ALMS1: variants seen among roughly 807,000 people sequenced by gnomAD.
ALMS1 encodes the protein centrosome-associated protein ALMS1.
In ALMS1, 271 loss-of-function variants were observed where a neutral mutation model predicts 352.2. That is an observed-to-expected ratio of 0.77 (90% CI 0.70 to 0.85). The LOEUF (loss-of-function observed/expected upper bound fraction) is 0.85, where lower values mean the gene tolerates loss of function less well. ALMS1 is among the 40% of genes least tolerant of loss of function. ALMS1 has a pLI of 0.00. For missense variants in ALMS1, 5,445 were observed against 4,870.7 expected (o/e 1.12, Z -3.51); for synonymous variants, 1,865 against 1,761.2 (o/e 1.06, Z -1.48).
At chr2:73,607,083 T>A (rs1036402781) in intron 21 of ALMS1, among the ~76,000 whole-genome samples, 1 of 152,218 alleles carries the variant, frequency 6.6e-6, no homozygotes, top group Non-Finnish European at 1.5e-5. Context: ...TCACTTATCA[T>A]CCTTCCATCT....
intron 9 of ALMS1, among the ~76,000 whole-genome samples, chr2:73,467,181 G>C (rs972923714): frequency 6.6e-6 from 1 of 152,096 alleles, no homozygotes; most frequent in African/African-American, 2.4e-5. Flanking sequence ...TCAAAAGGCA[G>C]CATGAAGAGT....
chr2:73,590,915 G>C (rs1675419953), intron 16 of ALMS1, among the ~76,000 whole-genome samples: 1 of 151,888 alleles, frequency 6.6e-6, no homozygotes. Context: ...TCCTGACCTT[G>C]TGATCTGCCC....
At position 73,450,279 on chromosome 2, in the gene ALMS1, A is replaced by G. The variant is rs1243847501; in HGVS notation, c.3752A>G (p.Gln1251Arg). ...HTEKPGIFYQ[Q>R]VLPDNHPTEE... is the part of the protein sequence containing the mutation. The stretch of plus-strand genomic sequence containing the variant: ...GAGAAGCCTGGTATTTTCTACCAAC[A>G]GGTCTTGCCAGATAATCATCCAACT... The change falls in exon 8 of 23, where the codon CAG (glutamine) becomes CGG (arginine). Residue 1251 changes from glutamine (Q) to arginine (R), a missense_variant. Coordinates refer to ENST00000613296, the MANE Select transcript of ALMS1 (RefSeq NM_001378454.1). 1 of 1,613,928 alleles carries G rather than the reference A, an allele frequency of 6.2e-7. No homozygotes were observed. The highest frequency in any genetic ancestry group is 1.3e-5 in the African/African-American group (1 of 74,890).
chr2:73,548,571 T>C (rs528575473), intron 12 of ALMS1, among the ~76,000 whole-genome samples: 1 of 152,238 alleles, frequency 6.6e-6, no homozygotes, highest in African/African-American at 2.4e-5. Context: ...CACATGCTGC[T>C]GCTGGTGTGT....
intron 16 of ALMS1, among the ~76,000 whole-genome samples, chr2:73,584,381 A>G (rs1675263763): frequency 6.6e-6 from 1 of 152,218 alleles, no homozygotes; most frequent in Non-Finnish European, 1.5e-5. Flanking sequence ...AGTATTTACC[A>G]GGAGTCTTTT....
At chr2:73,515,380 C>T (rs1673533998) in intron 10 of ALMS1, among the ~76,000 whole-genome samples, 1 of 151,682 alleles carries the variant, frequency 6.6e-6, no homozygotes, top group African/African-American at 2.4e-5. Context: ...TAGCTAAATC[C>T]CCTGTAAATC....
chr2:73,454,369 G>T (rs1226773085), intron 8 of ALMS1: 2 of 985,152 alleles, frequency 2.0e-6, no homozygotes, highest in Non-Finnish European at 2.4e-6. Flanking sequence ...GTATGACAGA[G>T]AGTAAAGAGG....
chr2:73,449,885 G>T lies in ALMS1; in HGVS notation c.3358G>T (p.Ala1120Ser), dbSNP rs759214216. Reference protein sequence around the residue: ...TLPESHLPKEALKISVAPGLA... With the variant: ...TLPESHLPKESLKISVAPGLA... ...GCCAGAGAGTCATCTGCCTAAAGAGGCTCTGAAAATTTCAGTAGCTCCTGG... is the reference window on the plus strand; with the variant it reads ...GCCAGAGAGTCATCTGCCTAAAGAGTCTCTGAAAATTTCAGTAGCTCCTGG... The change falls in exon 8 of 23, where the codon GCT becomes TCT. Residue 1120 changes from alanine to serine, a missense_variant. Coordinates refer to ENST00000613296, the MANE Select transcript of ALMS1 (RefSeq NM_001378454.1). 1 of 1,613,718 alleles carries T rather than the reference G, an allele frequency of 6.2e-7. No individual in the cohort carries two copies. Among genetic ancestry groups the T allele is most frequent in the South Asian group, 1.1e-5 (1 of 91,044 alleles).
In ALMS1 at chr2:73,572,996, A is replaced by C. The variant is rs200464290; in HGVS notation, c.11119A>C (p.Asn3707His). The C allele has an allele frequency of 1.5e-5, 25 of 1,613,988 alleles. No individual in the cohort carries two copies. The highest frequency in any genetic ancestry group is 1.9e-5 in the Non-Finnish European group (22 of 1,180,016). The part of the protein sequence containing the change: ...VLSHHRAGRS[N>H]QIKIEQIKFD... ...TTCTCATCATCGAGCTGGGAGGTCT[A>C]ATCAAATTAAAATTGAACAGATTAA... is the stretch of plus-strand genomic sequence containing the variant. Residue 3707 changes from asparagine to histidine, a missense_variant, in exon 16 of 23, where the codon AAT (asparagine) becomes CAT (histidine). By Grantham distance (68) the Asn-to-His change is moderately conservative. Coordinates refer to ENST00000613296, the MANE Select transcript of ALMS1 (RefSeq NM_001378454.1).
chr2:73,526,406 T>A (rs1330665045), intron 11 of ALMS1, among the ~76,000 whole-genome samples: 1 of 152,186 alleles, frequency 6.6e-6, no homozygotes, highest in Non-Finnish European at 1.5e-5. Context: ...ACAATATTGA[T>A]TCTTCTAATT....
At chr2:73,481,133 A>G (rs1672693948) in intron 9 of ALMS1, among the ~76,000 whole-genome samples, 1 of 152,132 alleles carries the variant, frequency 6.6e-6, no homozygotes, top group Non-Finnish European at 1.5e-5. Flanking sequence ...TTGGTGTTTT[A>G]GACATGAAGT....
At chr2:73,517,133 G>C (rs1233401349) in intron 10 of ALMS1, among the ~76,000 whole-genome samples, 1 of 151,410 alleles carries the variant, frequency 6.6e-6, no homozygotes, top group Non-Finnish European at 1.5e-5. Context: ...ACATACGGTA[G>C]AGACTCAAAA....
chr2:73,450,480 G>C lies in ALMS1; in HGVS notation c.3953G>C (p.Gly1318Ala). 1 of 1,612,996 alleles carries C rather than the reference G, an allele frequency of 6.2e-7. No homozygotes were observed. Among genetic ancestry groups the C allele is most frequent in the Non-Finnish European group, 8.5e-7 (1 of 1,179,808 alleles). ...EEAKNVSAVP[G>A]PADQKTVIPI... is the part of the protein sequence containing the mutation. Reference sequence around the variant, plus strand: ...GCTAAGAATGTTTCAGCGGTTCCTGGACCAGCTGACCAGAAGACTGTGATA... The same window carrying C: ...GCTAAGAATGTTTCAGCGGTTCCTGCACCAGCTGACCAGAAGACTGTGATA... The change falls in exon 8 of 23, where the codon GGA becomes GCA. Residue 1318 changes from glycine to alanine, a missense_variant. Transcript: ENST00000613296.
At chr2:73,406,596 C>T (rs1403833364) in intron 1 of ALMS1, among the ~76,000 whole-genome samples, 1 of 151,976 alleles carries the variant, frequency 6.6e-6, no homozygotes, top group East Asian at 1.9e-4. Flanking sequence ...ATTGTAGTTA[C>T]CATGAGAATA....
In ALMS1 at chr2:73,475,254, G is replaced by A. The variant is rs1572957138; in HGVS notation, c.7675-14380G>A. Among the ~76,000 whole-genome samples the A allele has an allele frequency of 2.0e-5, 3 of 152,190 alleles. No individual in the cohort carries two copies. In the South Asian group the frequency reaches 6.2e-4, roughly 32 times the overall value. On this transcript the variant is annotated intron_variant, in intron 9 of 22. Transcript: ENST00000613296. ...TCTCTTGGTTATATACCTAACAGTA[G>A]AATTACTGGGACATACAGTAACTCC...
At chr2:73,386,232 T>TG in intron 1 of ALMS1, 40 bp downstream of exon 1, 1 of 1,474,414 alleles carries the variant, frequency 6.8e-7, no homozygotes, top group Non-Finnish European at 9.0e-7. Context: ...CGCGGCGAGT[T>TG]GGGGGTGGAG....
intron 9 of ALMS1, chr2:73,459,296 G>A (rs753170782): frequency 2.2e-4 from 33 of 152,216 alleles, no homozygotes; most frequent in Admixed American, 1.5e-3. Context: ...TACTTGTAAT[G>A]TTAACTCATA....
rs528220830 is a variant in ALMS1 at position 73,481,877 on chromosome 2, T to C, written c.7675-7757T>C. On this transcript the variant is annotated intron_variant, in intron 9 of 22. Transcript: ENST00000613296. ...GTTCACTCATGATTTGGCTCTCTGT[T>C]TGTCTGTTGTTGGTGTATAAGGATG... Among the ~76,000 whole-genome samples the C allele has an allele frequency of 5.3e-5, 8 of 151,338 alleles. No individual in the cohort carries two copies. In the East Asian group the frequency reaches 1.5e-3, roughly 29 times the overall value.
chr2:73,590,694 T>G (rs553028450), intron 16 of ALMS1, among the ~76,000 whole-genome samples: 3,831 of 146,324 alleles, frequency 0.026, 163 homozygotes, highest in Admixed American at 0.093. Flanking sequence ...TTTTTTTTTT[T>G]TTTTTGAGAT....
Sources: allele counts gnomAD v4.1 joint callset (sites outside exome capture counted in the v4.1 genomes callset), GRCh38; gene constraint gnomAD v4.1.1; transcripts MANE v1.5; gene names NCBI Gene and HGNC (gene_info 2026-07-23, HGNC 2026-07-21).